Variants in KLHL8 observed in about 807,000 individuals in gnomAD.
KLHL8 encodes kelch like family member 8.
In KLHL8, 38 loss-of-function variants were observed where a neutral mutation model predicts 63.5. The observed-to-expected ratio is 0.60, with a 90% CI of 0.46 to 0.78. The LOEUF (loss-of-function observed/expected upper bound fraction) is 0.78. KLHL8 is among the 30% of genes least tolerant of loss of function. KLHL8 has a pLI of 0.00. For missense variants in KLHL8, 566 were observed against 752.4 expected (o/e 0.75, Z 2.90); for synonymous variants, 224 against 254.3 (o/e 0.88, Z 1.13).
upstream of KLHL8, among the ~76,000 whole-genome samples, chr4:87,225,133 T>C (rs1319223263): frequency 6.6e-6 from 1 of 152,136 alleles, no homozygotes; most frequent in African/African-American, 2.4e-5. Context: ...TGTGGGTCTT[T>C]GTAATTGCTG....
chr4:87,235,737 G>C (rs1386096034), intron 1 of KLHL8, among the ~76,000 whole-genome samples: 1 of 152,154 alleles, frequency 6.6e-6, no homozygotes, highest in Non-Finnish European at 1.5e-5. Context: ...AATATGGAGA[G>C]GTGTGATAAA....
chr4:87,235,854 T>C (rs568750798), intron 1 of KLHL8, among the ~76,000 whole-genome samples: 3 of 148,762 alleles, frequency 2.0e-5, no homozygotes, highest in African/African-American at 7.5e-5. Context: ...CACAAGTCTT[T>C]GGGATGAGAG....
chr4:87,222,482 G>A (rs1441245050), upstream of KLHL8, among the ~76,000 whole-genome samples: 1 of 152,154 alleles, frequency 6.6e-6, no homozygotes, highest in Non-Finnish European at 1.5e-5. Flanking sequence ...TCTGCCATTT[G>A]ACAGTTGATT....
At chr4:87,179,027 C>T (rs567685468) in intron 4 of KLHL8, among the ~76,000 whole-genome samples, 2 of 152,134 alleles carry the variant, frequency 1.3e-5, no homozygotes, top group Admixed American at 6.5e-5. Flanking sequence ...CATCTATTTC[C>T]TTCTATGTTT....
intron 1 of KLHL8, among the ~76,000 whole-genome samples, chr4:87,209,733 G>T (rs1342141221): frequency 2.0e-5 from 3 of 151,424 alleles, no homozygotes; most frequent in Admixed American, 1.3e-4. Flanking sequence ...ACTTTACACT[G>T]TATTATCCTC....
At chr4:87,168,815 CATAT>C (rs35069132) in intron 8 of KLHL8, among the ~76,000 whole-genome samples, 1 of 148,086 alleles carries the variant, frequency 6.8e-6, no homozygotes, top group East Asian at 2.0e-4. Flanking sequence ...TATACACACA[CATAT>C]ATATATATCC....
At chr4:87,190,715 T>A (rs970331947) in intron 2 of KLHL8, among the ~76,000 whole-genome samples, 1 of 151,986 alleles carries the variant, frequency 6.6e-6, no homozygotes, top group African/African-American at 2.4e-5. Context: ...GGGTGGCTGA[T>A]AAACAACATA....
intron 1 of KLHL8, among the ~76,000 whole-genome samples, chr4:87,212,338 C>T (rs925147778): frequency 2.6e-5 from 4 of 152,160 alleles, no homozygotes; most frequent in Admixed American, 1.3e-4. Context: ...CAACCAGTTA[C>T]CAATGAGCTG....
intron 3 of KLHL8, among the ~76,000 whole-genome samples, chr4:87,184,620 A>G (rs557441310): frequency 6.6e-6 from 1 of 152,232 alleles, no homozygotes; most frequent in African/African-American, 2.4e-5. Context: ...GAAAGGAAAA[A>G]ATGGAGGAAG....
At chr4:87,227,809 T>C (rs927433192) in intron 1 of KLHL8, among the ~76,000 whole-genome samples, 16 of 152,334 alleles carry the variant, frequency 1.1e-4, no homozygotes, top group Non-Finnish European at 1.8e-4. Context: ...CTTAAGCCAC[T>C]GTGTCAGGGC....
intron 2 of KLHL8, 51 bp downstream of exon 2, chr4:87,195,273 C>T: frequency 1.4e-6 from 2 of 1,463,290 alleles, no homozygotes; most frequent in Non-Finnish European, 1.9e-6. Flanking sequence ...ACCCCCATTT[C>T]TCATATTACA....
At chr4:87,235,009 C>CTAAAGTTTA (rs527697283) in intron 1 of KLHL8, among the ~76,000 whole-genome samples, 5 of 152,034 alleles carry the variant, frequency 3.3e-5, no homozygotes, top group African/African-American at 7.2e-5. Context: ...ACAGTGTGTT[C>CTAAAGTTTA]TAAAGTTTAT....
intron 1 of KLHL8, among the ~76,000 whole-genome samples, chr4:87,226,389 C>G (rs1342531918): frequency 6.6e-6 from 1 of 151,198 alleles, no homozygotes; most frequent in African/African-American, 2.4e-5. Context: ...ATGGTGAAAC[C>G]CTGTCTCTAC....
intron 1 of KLHL8, among the ~76,000 whole-genome samples, chr4:87,238,226 G>A (rs1733268970): frequency 6.6e-6 from 1 of 152,132 alleles, no homozygotes; most frequent in Non-Finnish European, 1.5e-5. Context: ...GAACGTCCAC[G>A]CTCAGCCTAC....
intron 1 of KLHL8, among the ~76,000 whole-genome samples, chr4:87,203,836 C>T (rs1395696696): frequency 1.3e-5 from 2 of 151,812 alleles, no homozygotes; most frequent in Non-Finnish European, 2.9e-5. Context: ...ATGAGAAAGA[C>T]ACCATAAGAG....
Position 87,202,267 on chromosome 4 carries a change from C to A in KLHL8, c.-151-6577G>T, listed in dbSNP as rs570850114. Among the ~76,000 whole-genome samples the A allele has an allele frequency of 1.7e-3, 259 of 151,656 alleles. 6 individuals carry two copies. The highest frequency in any genetic ancestry group is 6.8e-3 in the Middle Eastern group (2 of 294). On this transcript the variant is annotated intron_variant, in intron 1 of 9. Coordinates refer to ENST00000273963, the MANE Select transcript of KLHL8 (RefSeq NM_020803.5). ...AAAAACAATAGATAAAAATCCAAAC[C>A]AAAAGCTATTTTTAAAAGATCAACA...
At chr4:87,226,856 A>T (rs867182860) in intron 1 of KLHL8, among the ~76,000 whole-genome samples, 2 of 28,906 alleles carry the variant, frequency 6.9e-5, no homozygotes, top group African/African-American at 1.6e-4. Context: ...ATTATATATA[A>T]ATAATATATA....
intron 1 of KLHL8, among the ~76,000 whole-genome samples, chr4:87,203,546 A>C (rs60916885): frequency 0.011 from 1,718 of 151,224 alleles, 41 homozygotes; most frequent in African/African-American, 0.039. Context: ...AAAAAAAAAA[A>C]AAAACAAGGT....
chr4:87,171,735 T>C (rs1423284784), intron 6 of KLHL8, among the ~76,000 whole-genome samples: 3 of 152,148 alleles, frequency 2.0e-5, no homozygotes, highest in Non-Finnish European at 4.4e-5. Context: ...ACATCATACG[T>C]TTTAGTCCAC....
Sources: gnomAD v4.1 joint callset for allele counts (sites outside exome capture counted in the v4.1 genomes callset) on GRCh38, gnomAD v4.1.1 for gene constraint, MANE v1.5 for transcripts, NCBI Gene and HGNC (gene_info 2026-07-23, HGNC 2026-07-21) for gene names.